The following ETFA variants were observed in gnomAD, a reference collection of about 807,000 sequenced individuals.
ETFA encodes electron transfer flavoprotein subunit alpha.
In ETFA, 22 loss-of-function variants were observed where a neutral mutation model predicts 46.2. That is an observed-to-expected ratio of 0.48 (90% confidence interval 0.34 to 0.68). The LOEUF (loss-of-function observed/expected upper bound fraction) is 0.68, where lower values mean the gene tolerates loss of function less well. ETFA is among the 30% of genes least tolerant of loss of function. The pLI is 0.01. For missense variants in ETFA, 345 were observed against 401.1 expected (o/e 0.86, Z 1.19); for synonymous variants, 131 against 139.9 (o/e 0.94, Z 0.45).
intron 7 of ETFA, among the ~76,000 whole-genome samples, chr15:76,285,136 A>G (rs1256161831): frequency 6.6e-6 from 1 of 152,198 alleles, no homozygotes; most frequent in African/African-American, 2.4e-5. Context: ...TTTTAAAGAC[A>G]AGGAGCATGA....
chr15:76,303,068 G>C (rs552570298), intron 1 of ETFA, among the ~76,000 whole-genome samples: 1 of 152,262 alleles, frequency 6.6e-6, no homozygotes, highest in South Asian at 2.1e-4. Flanking sequence ...ACTTTGAGAG[G>C]CCGAGGCGAG....
At chr15:76,278,533 C>T (rs559395042) in intron 8 of ETFA, among the ~76,000 whole-genome samples, 1 of 152,342 alleles carries the variant, frequency 6.6e-6, no homozygotes, top group Non-Finnish European at 1.5e-5. Context: ...TGTAGTTCAG[C>T]ATTACTGGAG....
chr15:76,263,455 G>A (rs2039439229), intron 9 of ETFA, among the ~76,000 whole-genome samples: 1 of 152,212 alleles, frequency 6.6e-6, no homozygotes, highest in African/African-American at 2.4e-5. Flanking sequence ...CTGAGCGCTT[G>A]GAAGAACCAG....
intron 10 of ETFA, chr15:76,227,664 G>A (rs966963134): frequency 2.7e-6 from 1 of 375,496 alleles, no homozygotes; most frequent in South Asian, 2.0e-5. Flanking sequence ...ATAGATTGTG[G>A]ACTAAAAATA....
intron 11 of ETFA, among the ~76,000 whole-genome samples, chr15:76,221,040 G>A (rs2038951921): frequency 6.6e-6 from 1 of 152,104 alleles, no homozygotes. Flanking sequence ...GTTCATAGCA[G>A]CATCATTCAT....
rs895958406 is a variant in ETFA at position 76,259,136 on chromosome 15, A to G, written c.816+15276T>C. On this transcript the variant is annotated intron_variant, in intron 9 of 11. Transcript: ENST00000557943. ...TGTATCAACATTCACTGGGAGTGCC[A>G]CCCACTGTCCCCATGCCACTGCCAT... The G allele has an allele frequency of 2.0e-5, 30 of 1,502,320 alleles. No homozygotes were observed. In the Admixed American group the frequency reaches 3.5e-4, roughly 18 times the overall value. 93.1% of individuals were successfully genotyped at this position (1,502,320 alleles called of 1,614,324 possible).
At chr15:76,259,661 G>C in intron 9 of ETFA, 1 of 961,558 alleles carries the variant, frequency 1.0e-6, no homozygotes, top group Non-Finnish European at 1.7e-6. Flanking sequence ...CCTAACAATA[G>C]TAGCCCCGCT....
At chr15:76,286,660 T>TA (rs2039707959) in intron 5 of ETFA, among the ~76,000 whole-genome samples, 179 bp from the exon 6 acceptor site, 1 of 152,286 alleles carries the variant, frequency 6.6e-6, no homozygotes, top group Admixed American at 6.5e-5. Flanking sequence ...TATCAGCAGA[T>TA]ATCTGTATAA....
intron 1 of ETFA, among the ~76,000 whole-genome samples, chr15:76,309,263 C>A (rs533017229): frequency 1.5e-4 from 23 of 152,314 alleles, no homozygotes; most frequent in South Asian, 1.4e-3. Flanking sequence ...TACCGGCTAA[C>A]ACAGTGAAAC....
intron 1 of ETFA, among the ~76,000 whole-genome samples, chr15:76,296,517 G>A (rs997506337): frequency 1.3e-5 from 2 of 152,116 alleles, no homozygotes; most frequent in African/African-American, 2.4e-5. Context: ...AATCAGTCAC[G>A]AAAGTTGATC....
In ETFA at chr15:76,295,789, T is replaced by TTG; in HGVS notation, c.40-53_40-52insCA. 17 of 1,349,314 alleles carry TTG rather than the reference T, an allele frequency of 1.3e-5. No homozygotes were observed. The South Asian group carries it at 2.0e-4, about 16-fold the overall frequency. 83.6% of individuals were successfully genotyped at this position (1,349,314 alleles called of 1,614,324 possible). ...AGGTAAAGAATGTTGTCACAGGGTT[T>TTG]TTTTTTTTTTTTTTACTAATTGTTA... On this transcript the variant is annotated intron_variant, in intron 1 of 11. Coordinates refer to ENST00000557943, the MANE Select transcript of ETFA (RefSeq NM_000126.4).
At chr15:76,285,573 A>C in intron 7 of ETFA, 64 bp downstream of exon 7, 1 of 970,390 alleles carries the variant, frequency 1.0e-6, no homozygotes, top group Non-Finnish European at 1.6e-6. Flanking sequence ...AATAAATACT[A>C]AAAATAAAAA....
intron 9 of ETFA, among the ~76,000 whole-genome samples, chr15:76,248,825 C>T (rs1459277677): frequency 2.0e-5 from 3 of 151,324 alleles, no homozygotes; most frequent in Non-Finnish European, 2.9e-5. Flanking sequence ...TGCAGTGAGC[C>T]GAGATTGCAC....
At chr15:76,263,868 G>T (rs1223744867) in intron 9 of ETFA, among the ~76,000 whole-genome samples, 1 of 152,170 alleles carries the variant, frequency 6.6e-6, no homozygotes, top group Admixed American at 6.5e-5. Context: ...ACTAAAAAAA[G>T]TATGTTTTAC....
chr15:76,293,020 C>A (rs1219255285), intron 2 of ETFA, among the ~76,000 whole-genome samples: 1 of 152,054 alleles, frequency 6.6e-6, no homozygotes, highest in African/African-American at 2.4e-5. Flanking sequence ...ACCTGTAATC[C>A]CAGCTACTTG....
chr15:76,298,701 C>A (rs185879500), intron 1 of ETFA, among the ~76,000 whole-genome samples: 1 of 152,138 alleles, frequency 6.6e-6, no homozygotes, highest in East Asian at 1.9e-4. Flanking sequence ...CAGCACACAT[C>A]AAAGCACCAC....
At chr15:76,221,016 C>T (rs1409482157) in intron 11 of ETFA, among the ~76,000 whole-genome samples, 1 of 151,572 alleles carries the variant, frequency 6.6e-6, no homozygotes, top group Non-Finnish European at 1.5e-5. Context: ...CTGCACAAAA[C>T]CTCATATGTG....
rs369120139 is a variant in ETFA, at chr15:76,236,294, T to A, written c.817-4896A>T. 2.2e-4 allele frequency among the ~76,000 whole-genome samples: 34 copies of A among 152,360 alleles called. 2 individuals carry two copies. The South Asian group carries it at 7.0e-3, about 32-fold the overall frequency. ...ATACTTATATATCTTGTAAGCCACA[T>A]ATTTAATGTTAAATTTTCTAGTGGC... On this transcript the variant is annotated intron_variant, in intron 9 of 11. Coordinates refer to ENST00000557943, the MANE Select transcript of ETFA (RefSeq NM_000126.4).
intron 9 of ETFA, among the ~76,000 whole-genome samples, chr15:76,258,529 TG>T (rs2039369273): frequency 6.6e-6 from 1 of 152,226 alleles, no homozygotes; most frequent in African/African-American, 2.4e-5. Flanking sequence ...CTTTGTGACT[TG>T]GAGGGGCAAA....
Sources: gnomAD v4.1 joint callset for allele counts (sites outside exome capture counted in the v4.1 genomes callset) on GRCh38, gnomAD v4.1.1 for gene constraint, MANE v1.5 for transcripts, NCBI Gene and HGNC (gene_info 2026-07-23, HGNC 2026-07-21) for gene names.